ASNS: variants seen among roughly 807,000 people sequenced by gnomAD.
ASNS encodes the protein asparagine synthetase (glutamine-hydrolyzing), also known as asparagine synthetase [glutamine-hydrolyzing].
ASNS carries 37 observed loss-of-function variants against 62.6 expected under a neutral mutation model. The ratio of observed to expected loss-of-function variants is 0.59; its 90% CI spans 0.45 to 0.78. ASNS has a LOEUF of 0.78. Among genes scored for constraint, ASNS ranks in the 30% least tolerant of loss-of-function variants. ASNS has a pLI of 0.00. For missense variants in ASNS, 520 were observed against 682.4 expected, an observed-to-expected ratio of 0.76 and a Z score of 2.65; for synonymous variants, 207 against 237.9, an observed-to-expected ratio of 0.87 and a Z score of 1.19.
intron 3 of ASNS, among the ~76,000 whole-genome samples, chr7:97,868,084 G>A (rs933088680): frequency 1.3e-5 from 2 of 152,176 alleles, no homozygotes; most frequent in African/African-American, 4.8e-5. Context: ...AAGGTGGGCA[G>A]ATTACCTGAG....
intron 6 of ASNS, 59 bp from the exon 7 acceptor site, chr7:97,858,464 C>T: frequency 1.9e-6 from 3 of 1,592,848 alleles, no homozygotes; most frequent in East Asian, 2.2e-5. Flanking sequence ...AAGACAGGGA[C>T]AGAAGATGTA....
the ASNS span, among the ~76,000 whole-genome samples, chr7:97,916,839 G>T: frequency 1.3e-5 from 2 of 152,228 alleles, no homozygotes; most frequent in African/African-American, 4.8e-5. Context: ...CCAGATGGGG[G>T]CGGATGGGAT....
intron 1 of ASNS, chr7:97,870,269 G>C (rs2115766187): frequency 1.5e-6 from 1 of 670,218 alleles, no homozygotes; most frequent in Non-Finnish European, 2.5e-6. Context: ...ATTCCGTTTT[G>C]AGAATGTCAA....
chr7:97,927,682 G>A, the ASNS span, among the ~76,000 whole-genome samples: 28 of 152,262 alleles, frequency 1.8e-4, no homozygotes, highest in Admixed American at 6.5e-5. Context: ...TTGTGTCCCC[G>A]ACCAGAACCT....
rs74707892 is a variant in ASNS, at chr7:97,858,834, G to T, written c.775+20C>A. On this transcript the variant is annotated intron_variant, in intron 6 of 12. Transcript: ENST00000394308. ...TTAAACACACATGAAATATAATTAG[G>T]TTTTTTTAATTGACTTCACCTGATA... is the stretch of plus-strand genomic sequence containing the variant. 4.4e-6 allele frequency: 7 copies of T among 1,587,316 alleles called. No homozygotes were observed. Among genetic ancestry groups the T allele is most frequent in the South Asian group, 2.3e-5 (2 of 86,944 alleles).
At chr7:97,927,641 A>G in the ASNS span, among the ~76,000 whole-genome samples, 1 of 152,286 alleles carries the variant, frequency 6.6e-6, no homozygotes, top group African/African-American at 2.4e-5. Flanking sequence ...TTCACGCAAT[A>G]AAGTTTCCTG....
At chr7:97,853,408 A>T (rs1193395117) in intron 10 of ASNS, 22 bp from the exon 11 acceptor site, 2 of 1,600,706 alleles carry the variant, frequency 1.2e-6, no homozygotes, top group Admixed American at 1.7e-5. Flanking sequence ...AAAGAAGAAA[A>T]TCTAAATTAA....
At chr7:97,869,509 T>C (rs932104225) in intron 2 of ASNS, among the ~76,000 whole-genome samples, 4 of 152,132 alleles carry the variant, frequency 2.6e-5, no homozygotes, top group African/African-American at 9.7e-5. Context: ...CATTCTAAGT[T>C]TGCTTCCAAG....
At chr7:97,868,765 T>G in intron 3 of ASNS, 143 bp downstream of exon 3, 1 of 1,209,868 alleles carries the variant, frequency 8.3e-7, no homozygotes, top group Non-Finnish European at 1.1e-6. Flanking sequence ...ATCAGTTCCC[T>G]ATTTACATAC....
chr7:97,913,604 T>A, the ASNS span, among the ~76,000 whole-genome samples: 1 of 151,982 alleles, frequency 6.6e-6, no homozygotes, highest in Non-Finnish European at 1.5e-5. Context: ...GTAGAAGCTA[T>A]TAATAGCCAA....
At chr7:97,872,697 A>G (rs149949070), upstream of ASNS, among the ~76,000 whole-genome samples, 615 of 152,344 alleles carry the variant, frequency 4.0e-3, 9 homozygotes, top group African/African-American at 0.014. Context: ...TTCTTCGGGA[A>G]ATCATCACCG....
chr7:97,852,114 G>T lies in ASNS; in HGVS notation c.*145C>A. 1.2e-6 allele frequency: 1 copy of T among 841,054 alleles called. No individual in the cohort carries two copies. Among genetic ancestry groups the T allele is most frequent in the Non-Finnish European group, 1.8e-6 (1 of 544,724 alleles). The allele number at this position is 841,054 out of a possible 1,614,324, so 52.1% of individuals were successfully genotyped here. A position where few individuals can be genotyped will look rare whatever the true frequency, so the allele number is the denominator to read the frequency against. ...ATGAAGAGACTGCATGAACATAAAT[G>T]ACTACAGCAATGGTTTAGATTTAGG... is the stretch of plus-strand genomic sequence containing the variant. On this transcript the variant is annotated 3_prime_UTR_variant, in exon 13 of 13. Transcript: ENST00000394308.
chr7:97,912,166 G>T, the ASNS span, among the ~76,000 whole-genome samples: 1 of 152,158 alleles, frequency 6.6e-6, no homozygotes, highest in East Asian at 1.9e-4. Context: ...AACCTGCCCA[G>T]GTTCTCCTAG....
the ASNS span, among the ~76,000 whole-genome samples, chr7:97,916,582 G>A: frequency 3.9e-5 from 6 of 152,208 alleles, 1 homozygote; most frequent in Admixed American, 6.5e-5. Context: ...ACAATAGGCT[G>A]CGTGCATGTG....
the ASNS span, among the ~76,000 whole-genome samples, chr7:97,912,247 G>C: frequency 6.6e-6 from 1 of 152,208 alleles, no homozygotes; most frequent in African/African-American, 2.4e-5. Context: ...CTCTGGAGCT[G>C]TCTTAGTTGT....
chr7:97,912,591 T>TTTTTTTTTTC, the ASNS span, among the ~76,000 whole-genome samples: 31 of 79,380 alleles, frequency 3.9e-4, 2 homozygotes, highest in Non-Finnish European at 5.0e-4. Flanking sequence ...TTTTTTTTTT[T>TTTTTTTTTTC]TTCTGTTTTC....
chr7:97,862,696 T>G (rs975336739), intron 4 of ASNS, among the ~76,000 whole-genome samples: 3 of 151,838 alleles, frequency 2.0e-5, no homozygotes, highest in Non-Finnish European at 4.4e-5. Flanking sequence ...TGGGGAAAAC[T>G]GGGCAGGGGC....
intron 12 of ASNS, 108 bp from the exon 13 acceptor site, chr7:97,852,576 A>G: frequency 9.4e-7 from 1 of 1,061,478 alleles, no homozygotes. Flanking sequence ...TGTAACTTGT[A>G]TGAGACCCTT....
In ASNS at chr7:97,852,187, T is replaced by C; in HGVS notation, c.*72A>G. The C allele has an allele frequency of 6.5e-7, 1 of 1,528,626 alleles. No individual in the cohort carries two copies. Among genetic ancestry groups the C allele is most frequent in the Non-Finnish European group, 8.9e-7 (1 of 1,118,908 alleles). The allele number at this position is 1,528,626 out of a possible 1,614,324, so 94.7% of individuals were successfully genotyped here. ...AGTTAGCCTGAGTTGACTCTCATTG[T>C]TCCCCTATCTACCCACAGTCCCCAT... On this transcript the variant is annotated 3_prime_UTR_variant, in exon 13 of 13. Transcript: ENST00000394308.
Sources: allele counts gnomAD v4.1 joint callset (sites outside exome capture counted in the v4.1 genomes callset), GRCh38; gene constraint gnomAD v4.1.1; transcripts MANE v1.5; gene names NCBI Gene and HGNC (gene_info 2026-07-23, HGNC 2026-07-21).